Variants in RABGAP1 observed in about 807,000 individuals in gnomAD.
RABGAP1 encodes the protein rab GTPase-activating protein 1.
Under a neutral mutation model 137.6 loss-of-function variants are expected in RABGAP1, and 23 were observed. The ratio of observed to expected loss-of-function variants is 0.17; its 90% CI spans 0.12 to 0.24. The LOEUF (loss-of-function observed/expected upper bound fraction) is 0.24, where lower values mean the gene tolerates loss of function less well. Ranked by LOEUF, RABGAP1 falls within the 10% of genes least tolerant of loss-of-function variation. The probability of loss-of-function intolerance (pLI) is 1.00; values close to 1 mark genes in which losing one functional copy is unlikely to be tolerated. For synonymous variants in RABGAP1, 451 were observed against 450.7 expected (o/e 1.00, Z -0.01); for missense variants, 906 against 1,275.8 (o/e 0.71, Z 4.42).
At chr9:123,041,487 T>G (rs1346598141) in intron 13 of RABGAP1, among the ~76,000 whole-genome samples, 1 of 152,226 alleles carries the variant, frequency 6.6e-6, no homozygotes, top group East Asian at 1.9e-4. Context: ...CTCTAAAGCT[T>G]GTGTTCTGTA....
intron 13 of RABGAP1, among the ~76,000 whole-genome samples, chr9:123,022,609 A>G (rs1588285777): frequency 6.6e-6 from 1 of 151,726 alleles, no homozygotes; most frequent in East Asian, 1.9e-4. Context: ...GTTTCACCAT[A>G]TTGGCCAGGC....
rs2032600845 is a variant in RABGAP1, at chr9:123,035,636, TC to T, written c.1794+15180del. On this transcript the variant is annotated intron_variant, in intron 13 of 25. Coordinates refer to ENST00000373647, the MANE Select transcript of RABGAP1 (RefSeq NM_012197.4). Reference sequence around the variant, plus strand: ...ATCTGAAGTGGCTCAGTTACGGGGTTCCCGTGTGTGTGTGTGTGTGTGTGTG... The same window carrying T: ...ATCTGAAGTGGCTCAGTTACGGGGTTCCGTGTGTGTGTGTGTGTGTGTGTG... 5 of 1,260,858 alleles carry T rather than the reference TC, an allele frequency of 4.0e-6. No homozygotes were observed. In the African/African-American group the frequency reaches 7.9e-5, roughly 20 times the overall value. The allele number at this position is 1,260,858 out of a possible 1,614,324, so 78.1% of individuals were successfully genotyped here. A position where few individuals can be genotyped will look rare whatever the true frequency, so the allele number is the denominator to read the frequency against.
chr9:123,010,443 T>C lies in RABGAP1; in HGVS notation c.1464T>C (p.Thr488=). 1 of 1,613,134 alleles carries C rather than the reference T, an allele frequency of 6.2e-7. No homozygotes were observed. Among genetic ancestry groups the C allele is most frequent in the Admixed American group, 1.7e-5 (1 of 59,988 alleles). ...ESESERERRK[T]TASPSVRLPQ... ...AATCAGAAAGAGAGAGGAGGAAAAC[T>C]ACAGCCAGTCCTTCAGTTCGCCTGC... The change falls in exon 11 of 26, where the codon ACT becomes ACC. Residue 488 remains threonine (T), a synonymous_variant. Transcript: ENST00000373647.
rs537535512 is a variant in RABGAP1 at position 123,060,821 on chromosome 9, T to G, written c.1795-4527T>G. The stretch of plus-strand genomic sequence containing the variant: ...ACTGCATAGACAGGAATATACAGAC[T>G]TTTGCAAAATGCAGCAAACATTTTT... On this transcript the variant is annotated intron_variant, in intron 13 of 25. Coordinates refer to ENST00000373647, the MANE Select transcript of RABGAP1 (RefSeq NM_012197.4). 2.6e-5 allele frequency among the ~76,000 whole-genome samples: 4 copies of G among 152,354 alleles called. No individual in the cohort carries two copies. In the South Asian group the frequency reaches 6.2e-4, roughly 24 times the overall value.
intron 2 of RABGAP1, among the ~76,000 whole-genome samples, chr9:122,979,084 G>T (rs1022350231): frequency 6.6e-6 from 1 of 151,780 alleles, no homozygotes; most frequent in Non-Finnish European, 1.5e-5. Flanking sequence ...TTTTTGTAGA[G>T]TCGGGGTCTC....
intron 14 of RABGAP1, chr9:123,065,667 C>G: frequency 2.0e-6 from 1 of 492,406 alleles, no homozygotes; most frequent in South Asian, 2.1e-5. Flanking sequence ...GTAGGGTTTC[C>G]TTTCCCCTTC....
At chr9:122,936,350 T>C (rs1833387435), upstream of RABGAP1, among the ~76,000 whole-genome samples, 2 of 152,072 alleles carry the variant, frequency 1.3e-5, no homozygotes, top group African/African-American at 4.8e-5. Context: ...TCAGATGGAG[T>C]AGGAGTCAAA....
At chr9:123,035,411 A>T in intron 13 of RABGAP1, 5 of 1,614,142 alleles carry the variant, frequency 3.1e-6, no homozygotes, top group Non-Finnish European at 4.2e-6. Flanking sequence ...GGCCACAGCA[A>T]CCGCTTCGCA....
intron 18 of RABGAP1, 70 bp from the exon 19 acceptor site, chr9:123,076,564 A>G (rs2034517044): frequency 6.7e-7 from 1 of 1,491,590 alleles, no homozygotes. Context: ...AAGTGCTGAG[A>G]ATATAAAAAA....
At chr9:122,954,709 TAA>T (rs1264186885) in intron 1 of RABGAP1, among the ~76,000 whole-genome samples, 2 of 152,146 alleles carry the variant, frequency 1.3e-5, no homozygotes, top group African/African-American at 4.8e-5. Context: ...AAAAAAAAGA[TAA>T]AGACTCCTTT....
In RABGAP1 at chr9:122,984,564, C is replaced by T. The variant is rs1360812458; in HGVS notation, c.230C>T (p.Pro77Leu). 1 of 1,614,078 alleles carries T rather than the reference C, an allele frequency of 6.2e-7. No homozygotes were observed. The highest frequency in any genetic ancestry group is 1.1e-5 in the South Asian group (1 of 91,080). ...ATGGATCCTCCAATGGACGACCAGC[C>T]AGGGGAAAAGGAGCTTGTGAAAAGG... ...VLMDPPMDDQ[P>L]GEKELVKRSQ... Residue 77 changes from proline (P) to leucine (L), a missense_variant, in exon 3 of 26, where the codon CCA becomes CTA. Physicochemically the swap from Pro to Leu is moderately conservative, Grantham distance 98. Transcript: ENST00000373647.
intron 14 of RABGAP1, among the ~76,000 whole-genome samples, chr9:123,068,865 G>T (rs921770408): frequency 6.6e-6 from 1 of 152,180 alleles, no homozygotes; most frequent in African/African-American, 2.4e-5. Context: ...ACTATATTTT[G>T]CCAAGAGTTA....
At chr9:122,976,008 G>A (rs969631016) in intron 2 of RABGAP1, among the ~76,000 whole-genome samples, 2 of 152,164 alleles carry the variant, frequency 1.3e-5, no homozygotes, top group African/African-American at 4.8e-5. Flanking sequence ...TCTAGTGAGA[G>A]CCATTCAGAT....
intron 12 of RABGAP1, 42 bp from the exon 13 acceptor site, chr9:123,020,267 T>TA (rs2031540465): frequency 7.1e-7 from 1 of 1,399,532 alleles, no homozygotes; most frequent in African/African-American, 1.5e-5. Flanking sequence ...TAGAGAATCT[T>TA]ATCTTCCTTT....
chr9:123,065,498 A>G, intron 14 of RABGAP1, 37 bp downstream of exon 14: 1 of 1,387,148 alleles, frequency 7.2e-7, no homozygotes, highest in Non-Finnish European at 1.0e-6. Context: ...CTCAATTCTG[A>G]GTGGTGGTTC....
chr9:123,102,813 A>G (rs959704818), intron 25 of RABGAP1, among the ~76,000 whole-genome samples: 6 of 152,216 alleles, frequency 3.9e-5, no homozygotes, highest in African/African-American at 1.4e-4. Context: ...GAAATAGAGC[A>G]TTACCTGTCT....
Position 122,989,275 on chromosome 9 carries a change from CTG to C in RABGAP1, c.591-20_591-19del. ...ATTGTTCATAATTCCTGTAATCTCTCTGTATCTTTTTCTCTGAACAGACTCTT... is the reference window on the plus strand; with the variant it reads ...ATTGTTCATAATTCCTGTAATCTCTCTATCTTTTTCTCTGAACAGACTCTT... On this transcript the variant is annotated intron_variant, in intron 4 of 25. Transcript: ENST00000373647. 1.9e-6 allele frequency: 3 copies of C among 1,592,380 alleles called. No individual in the cohort carries two copies. Among genetic ancestry groups the C allele is most frequent in the African/African-American group, 1.3e-5 (1 of 74,486 alleles).
chr9:123,039,344 T>A (rs1271527272), intron 13 of RABGAP1, among the ~76,000 whole-genome samples: 1 of 152,168 alleles, frequency 6.6e-6, no homozygotes, highest in Non-Finnish European at 1.5e-5. Flanking sequence ...CAGTGTCTCT[T>A]ATCTGTCTGG....
chr9:123,099,991 AT>A (rs762244908), intron 24 of RABGAP1, among the ~76,000 whole-genome samples: 1 of 151,066 alleles, frequency 6.6e-6, no homozygotes, highest in African/African-American at 2.4e-5. Context: ...GTTTATTTTT[AT>A]TTTTTTTTAT....
Sources: allele counts gnomAD v4.1 joint callset (sites outside exome capture counted in the v4.1 genomes callset), GRCh38; gene constraint gnomAD v4.1.1; transcripts MANE v1.5; gene names NCBI Gene and HGNC (gene_info 2026-07-23, HGNC 2026-07-21).